Variants in WDR7 observed in about 807,000 individuals in gnomAD.
The protein encoded by WDR7 is WD repeat-containing protein 7.
WDR7 carries 46 observed loss-of-function variants against 169.4 expected under a neutral mutation model. The observed-to-expected ratio is 0.27, with a 90% CI of 0.21 to 0.35. The LOEUF (loss-of-function observed/expected upper bound fraction) is 0.35, where lower values mean the gene tolerates loss of function less well. WDR7 is among the 10% of genes least tolerant of loss of function. WDR7 has a pLI of 1.00. For missense variants in WDR7, 1,534 were observed against 1,859.3 expected (o/e 0.83, Z 3.22); for synonymous variants, 612 against 666.8 (o/e 0.92, Z 1.27).
chr18:56,782,207 A>G (rs1263885429), intron 19 of WDR7: 1 of 152,228 alleles, frequency 6.6e-6, no homozygotes, highest in Non-Finnish European at 1.5e-5. Flanking sequence ...TTCTTTTGCA[A>G]AATAAAAGCT....
chr18:56,887,157 A>G (rs2046208784), intron 21 of WDR7, among the ~76,000 whole-genome samples: 1 of 152,192 alleles, frequency 6.6e-6, no homozygotes, highest in Non-Finnish European at 1.5e-5. Flanking sequence ...TATTTTTCAA[A>G]GAAATCTTGG....
chr18:56,943,982 GTT>G (rs397858369), intron 25 of WDR7, among the ~76,000 whole-genome samples: 179 of 78,716 alleles, frequency 2.3e-3, no homozygotes, highest in African/African-American at 9.5e-3. Context: ...TGTTTTGTGG[GTT>G]TTTTTTTTTT....
chr18:56,902,221 G>A, intron 21 of WDR7, among the ~76,000 whole-genome samples: 1 of 152,102 alleles, frequency 6.6e-6, no homozygotes. Context: ...TATTGATGTG[G>A]CTACTTCTAA....
chr18:56,970,534 T>A (rs936794375), intron 26 of WDR7, among the ~76,000 whole-genome samples: 1 of 152,224 alleles, frequency 6.6e-6, no homozygotes, highest in Non-Finnish European at 1.5e-5. Context: ...TAGAACAGTT[T>A]TAGGTTCACA....
chr18:56,943,867 C>T (rs1427903885), intron 25 of WDR7, among the ~76,000 whole-genome samples: 1 of 151,068 alleles, frequency 6.6e-6, no homozygotes, highest in African/African-American at 2.4e-5. Context: ...GATAAAATAG[C>T]ATTATATATA....
intron 18 of WDR7, among the ~76,000 whole-genome samples, chr18:56,780,470 T>A (rs2044301329): frequency 6.6e-6 from 1 of 152,160 alleles, no homozygotes; most frequent in Non-Finnish European, 1.5e-5. Context: ...TACTTAAAAG[T>A]ACCAGTAAAA....
chr18:56,800,520 T>G (rs1333072985), intron 19 of WDR7, among the ~76,000 whole-genome samples: 1 of 151,974 alleles, frequency 6.6e-6, no homozygotes, highest in East Asian at 1.9e-4. Context: ...CATTGTGATA[T>G]TGAACCATAT....
chr18:56,899,162 T>C (rs915889744), intron 21 of WDR7, among the ~76,000 whole-genome samples: 2 of 152,124 alleles, frequency 1.3e-5, no homozygotes, highest in Middle Eastern at 3.4e-3. Context: ...AACCCATGGG[T>C]AGAAAGTTTG....
intron 26 of WDR7, chr18:57,010,125 G>A (rs1171351590): frequency 1.0e-6 from 1 of 985,334 alleles, no homozygotes; most frequent in East Asian, 1.1e-4. Flanking sequence ...TGTGGAAGCA[G>A]GAGGGGAGGG....
rs377085528 is a variant in WDR7 at position 56,770,137 on chromosome 18, G to A, written c.2849-6645G>A. Among the ~76,000 whole-genome samples, 22 of 152,286 alleles carry A rather than the reference G, an allele frequency of 1.4e-4. No individual in the cohort carries two copies. The East Asian group carries it at 2.3e-3, about 16-fold the overall frequency. ...AGTATGTCAATAACTACGTGCTGAG[G>A]CTGTAAGGGCTGACAAATCTCTGCC... On this transcript the variant is annotated intron_variant, in intron 16 of 27. Coordinates refer to ENST00000254442, the MANE Select transcript of WDR7 (RefSeq NM_015285.3).
In WDR7 at chr18:56,879,928, ATGT is replaced by A; in HGVS notation, c.3305-14_3305-12del. On this transcript the variant is annotated splice_polypyrimidine_tract_variant and intron_variant, in intron 20 of 27. Transcript: ENST00000254442. The stretch of plus-strand genomic sequence containing the variant: ...TTGATTTGTTCTAAGTTGAGATTCT[ATGT>A]TTTGGTCTTCAGGTTGCTTATCAAG... The A allele has an allele frequency of 6.3e-7, 1 of 1,584,498 alleles. No individual in the cohort carries two copies. Among genetic ancestry groups the A allele is most frequent in the Non-Finnish European group, 8.7e-7 (1 of 1,154,958 alleles).
chr18:56,756,969 A>G lies in WDR7; in HGVS notation c.2376A>G (p.Glu792=), dbSNP rs142386120. The G allele has an allele frequency of 4.3e-4, 697 of 1,614,146 alleles. 3 individuals are homozygous for G. Among genetic ancestry groups the G allele is most frequent in the Middle Eastern group, 3.6e-3 (22 of 6,062 alleles). The change falls in exon 15 of 28, where the codon GAA becomes GAG. Residue 792 remains glutamate (E), a synonymous_variant. Coordinates refer to ENST00000254442, the MANE Select transcript of WDR7 (RefSeq NM_015285.3). Reference sequence around the variant, plus strand: ...AATCAAAGCCATTGACCCTATTAGAATATAATTTAACTATGGACACTGCAA... The same window carrying G: ...AATCAAAGCCATTGACCCTATTAGAGTATAATTTAACTATGGACACTGCAA... The part of the protein sequence containing the change: ...SSKSKPLTLL[E]YNLTMDTAKL...
At chr18:56,965,417 C>A (rs1250861085) in intron 26 of WDR7, among the ~76,000 whole-genome samples, 1 of 149,830 alleles carries the variant, frequency 6.7e-6, no homozygotes, top group Non-Finnish European at 1.5e-5. Context: ...TTTTCCTTTA[C>A]CTTTTGGTAT....
At chr18:56,760,294 AT>A (rs149976828) in intron 16 of WDR7, among the ~76,000 whole-genome samples, 181 of 152,250 alleles carry the variant, frequency 1.2e-3, no homozygotes, top group African/African-American at 4.3e-3. Context: ...CCCAATCATC[AT>A]ACCTTCCTCT....
chr18:56,673,249 C>G (rs1166003025), intron 2 of WDR7, among the ~76,000 whole-genome samples: 1 of 151,994 alleles, frequency 6.6e-6, no homozygotes, highest in Non-Finnish European at 1.5e-5. Flanking sequence ...TTTCTCCTTT[C>G]CATATTTGTA....
chr18:56,776,585 A>G (rs28435183), intron 16 of WDR7, among the ~76,000 whole-genome samples, 197 bp from the exon 17 acceptor site: 4,015 of 152,268 alleles, frequency 0.026, 71 homozygotes, highest in African/African-American at 0.051. Context: ...CTATATTGTG[A>G]TTACTGTTCA....
intron 19 of WDR7, among the ~76,000 whole-genome samples, chr18:56,786,757 A>G (rs566571050): frequency 6.6e-6 from 1 of 152,026 alleles, no homozygotes; most frequent in African/African-American, 2.4e-5. Flanking sequence ...CTTAAATAAT[A>G]TGGCATACGT....
chr18:56,899,855 A>G (rs1002817815), intron 21 of WDR7, among the ~76,000 whole-genome samples: 1 of 152,064 alleles, frequency 6.6e-6, no homozygotes, highest in African/African-American at 2.4e-5. Context: ...TTCCATTGAC[A>G]AAGTGCTGAC....
At chr18:56,866,183 T>C (rs2045880706) in intron 20 of WDR7, among the ~76,000 whole-genome samples, 1 of 152,180 alleles carries the variant, frequency 6.6e-6, no homozygotes, top group African/African-American at 2.4e-5. Flanking sequence ...TCCTTATCTA[T>C]AAAATATCTG....
Sources: allele counts gnomAD v4.1 joint callset (sites outside exome capture counted in the v4.1 genomes callset), GRCh38; gene constraint gnomAD v4.1.1; transcripts MANE v1.5; gene names NCBI Gene and HGNC (gene_info 2026-07-23, HGNC 2026-07-21).